LRP6: variants seen among roughly 807,000 people sequenced by gnomAD.
The protein encoded by LRP6 is LDL receptor related protein 6.
Under a neutral mutation model 184.1 loss-of-function variants are expected in LRP6, and 43 were observed. The ratio of observed to expected loss-of-function variants is 0.23; its 90% CI spans 0.18 to 0.30. LRP6 has a LOEUF of 0.30. Ranked by LOEUF, LRP6 falls within the 10% of genes least tolerant of loss-of-function variation. The probability of loss-of-function intolerance (pLI) is 1.00; values close to 1 mark genes in which losing one functional copy is unlikely to be tolerated. For missense variants in LRP6, 1,571 were observed against 2,005.3 expected, an observed-to-expected ratio of 0.78 and a Z score of 4.14; for synonymous variants, 719 against 684.9, an observed-to-expected ratio of 1.05 and a Z score of -0.78.
At chr12:12,200,414 A>T (rs1360000960) in intron 3 of LRP6, among the ~76,000 whole-genome samples, 1 of 152,190 alleles carries the variant, frequency 6.6e-6, no homozygotes, top group Non-Finnish European at 1.5e-5. Flanking sequence ...CATTTTCAAG[A>T]GTAGGATCTA....
chr12:12,184,590 A>C (rs1863424686), intron 4 of LRP6, among the ~76,000 whole-genome samples: 1 of 152,208 alleles, frequency 6.6e-6, no homozygotes, highest in South Asian at 2.1e-4. Context: ...AAGCTATCTG[A>C]ATAAAACTTT....
chr12:12,166,747 TTTTG>T (rs1480795154), intron 7 of LRP6, among the ~76,000 whole-genome samples: 4 of 152,328 alleles, frequency 2.6e-5, no homozygotes, highest in East Asian at 1.9e-4. Flanking sequence ...TTTCCAACAT[TTTTG>T]TTTATTTTGA....
At chr12:12,261,402 CAA>C (rs36054178) in intron 1 of LRP6, among the ~76,000 whole-genome samples, 11 of 111,698 alleles carry the variant, frequency 9.8e-5, no homozygotes, top group Admixed American at 9.7e-5. Flanking sequence ...GACTCCGTCT[CAA>C]AAAAAAAAAA....
chr12:12,154,770 G>A (rs114601164), intron 12 of LRP6, among the ~76,000 whole-genome samples: 1,530 of 152,218 alleles, frequency 0.01, 27 homozygotes, highest in African/African-American at 0.035. Flanking sequence ...GATTTTGAAA[G>A]TAAGAAAATA....
At chr12:12,137,972 G>A (rs897176466) in intron 16 of LRP6, among the ~76,000 whole-genome samples, 2 of 151,484 alleles carry the variant, frequency 1.3e-5, no homozygotes, top group African/African-American at 2.4e-5. Context: ...AGATCAGCCT[G>A]GACAACATGG....
In LRP6 at chr12:12,135,292, G is replaced by C. The variant is rs373983720; in HGVS notation, c.3616C>G (p.Pro1206Ala). 5.7e-5 allele frequency: 92 copies of C among 1,613,450 alleles called. No individual in the cohort carries two copies. Among genetic ancestry groups the C allele is most frequent in the Non-Finnish European group, 7.0e-5 (82 of 1,179,772 alleles). The change falls in exon 17 of 23, where the codon CCT becomes GCT. Residue 1206 changes from proline to alanine, a missense_variant. Coordinates refer to ENST00000261349, the MANE Select transcript of LRP6 (RefSeq NM_002336.3). ...ELNLQEYRQHPCAQDNGGCSH... is the reference protein window; with the variant it reads ...ELNLQEYRQHACAQDNGGCSH... Reference sequence around the variant, plus strand: ...CAGCCACCATTATCCTGAGCACAAGGGTGCTGTCCTGCAAAGAGAAGAGGT... The same window carrying C: ...CAGCCACCATTATCCTGAGCACAAGCGTGCTGTCCTGCAAAGAGAAGAGGT...
chr12:12,225,061 C>T (rs528331747), intron 2 of LRP6, among the ~76,000 whole-genome samples: 4 of 152,036 alleles, frequency 2.6e-5, no homozygotes, highest in African/African-American at 9.6e-5. Flanking sequence ...AAAAATTAGC[C>T]GGTTGTGGTG....
At chr12:12,224,370 A>G (rs530953495) in intron 2 of LRP6, among the ~76,000 whole-genome samples, 1 of 151,208 alleles carries the variant, frequency 6.6e-6, no homozygotes, top group Non-Finnish European at 1.5e-5. Flanking sequence ...CAATTCTACT[A>G]AACAGTACAG....
At chr12:12,260,402 TTA>T (rs1865584145) in intron 1 of LRP6, among the ~76,000 whole-genome samples, 1 of 151,746 alleles carries the variant, frequency 6.6e-6, no homozygotes, top group African/African-American at 2.4e-5. Context: ...GAAAAAAAAT[TTA>T]GTGTCATTCC....
Position 12,124,631 on chromosome 12 carries a change from T to C in LRP6, c.4481A>G (p.Glu1494Gly). The C allele has an allele frequency of 6.2e-7, 1 of 1,613,454 alleles. No homozygotes were observed. Reference sequence around the variant, plus strand: ...AAATTCCATAGTGTAATGTGATCGCTCTGTGGCTGGGGATGGTGGAGGGTT... The same window carrying C: ...AAATTCCATAGTGTAATGTGATCGCCCTGTGGCTGGGGATGGTGGAGGGTT... ...ILNPPPSPAT[E>G]RSHYTMEFGY... The change falls in exon 22 of 23, where the codon GAG (glutamate) becomes GGG (glycine). Residue 1494 changes from glutamate (E) to glycine (G), a missense_variant. Glu to Gly is a moderately conservative substitution (Grantham distance 98). Transcript: ENST00000261349.
At chr12:12,220,269 CAG>C (rs1189019877) in intron 2 of LRP6, among the ~76,000 whole-genome samples, 1 of 149,990 alleles carries the variant, frequency 6.7e-6, no homozygotes, top group Non-Finnish European at 1.5e-5. Context: ...GCCTGGGCAA[CAG>C]AGCGAGAACC....
At chr12:12,148,919 T>A (rs746374982) in intron 14 of LRP6, 23 bp downstream of exon 14, 2 of 1,583,314 alleles carry the variant, frequency 1.3e-6, no homozygotes, top group South Asian at 2.2e-5. Flanking sequence ...CCACAGTATC[T>A]GAACGCCACT....
At chr12:12,151,579 A>G (rs1326133133) in intron 12 of LRP6, among the ~76,000 whole-genome samples, 1 of 152,198 alleles carries the variant, frequency 6.6e-6, no homozygotes, top group African/African-American at 2.4e-5. Flanking sequence ...GCGGTAAAAT[A>G]AAAGTCATAG....
chr12:12,238,259 TGA>T (rs1363894943), intron 2 of LRP6, among the ~76,000 whole-genome samples: 4 of 138,926 alleles, frequency 2.9e-5, no homozygotes, highest in Admixed American at 7.1e-5. Flanking sequence ...AGAGAAATAA[TGA>T]GAGAGAAGAT....
chr12:12,200,492 G>C (rs1393144530), intron 3 of LRP6, among the ~76,000 whole-genome samples: 2 of 152,132 alleles, frequency 1.3e-5, no homozygotes, highest in African/African-American at 4.8e-5. Context: ...TCCATTTCCA[G>C]GTATTTTCTG....
chr12:12,135,333 A>AG (rs1281534354), intron 16 of LRP6, 33 bp from the exon 17 acceptor site: 2 of 1,334,578 alleles, frequency 1.5e-6, no homozygotes, highest in Non-Finnish European at 2.1e-6. Context: ...TGGGGAGAGG[A>AG]GGGGGAGTGG....
At chr12:12,196,318 A>G (rs1243417488) in intron 3 of LRP6, among the ~76,000 whole-genome samples, 2 of 151,886 alleles carry the variant, frequency 1.3e-5, no homozygotes, top group Non-Finnish European at 2.9e-5. Context: ...AATTATTCCA[A>G]TCCATGAGCA....
chr12:12,238,603 A>G (rs908815213), intron 2 of LRP6, among the ~76,000 whole-genome samples: 1 of 152,166 alleles, frequency 6.6e-6, no homozygotes, highest in African/African-American at 2.4e-5. Context: ...AATTAAAGCC[A>G]TACACCCTCA....
chr12:12,163,929 C>T (rs1398299562), intron 9 of LRP6, among the ~76,000 whole-genome samples: 4 of 152,020 alleles, frequency 2.6e-5, no homozygotes, highest in Admixed American at 6.6e-5. Context: ...GTCAAGAGTT[C>T]GAGCGGCCTG....
Sources: allele counts gnomAD v4.1 joint callset (sites outside exome capture counted in the v4.1 genomes callset), GRCh38; gene constraint gnomAD v4.1.1; transcripts MANE v1.5; gene names NCBI Gene and HGNC (gene_info 2026-07-23, HGNC 2026-07-21).